Variants in MKLN1 observed in about 807,000 individuals in gnomAD.
MKLN1 encodes muskelin 1, also known as muskelin.
Under a neutral mutation model 99.0 loss-of-function variants are expected in MKLN1, and 18 were observed. The observed-to-expected ratio is 0.18, with a 90% CI of 0.13 to 0.27. The LOEUF is 0.27. Ranked by LOEUF, MKLN1 falls within the 10% of genes least tolerant of loss-of-function variation. The pLI, the probability that MKLN1 is intolerant of heterozygous loss-of-function variation, is 1.00. For synonymous variants in MKLN1, 288 were observed against 293.2 expected (o/e 0.98, Z 0.18); for missense variants, 621 against 875.9 (o/e 0.71, Z 3.67).
At chr7:131,210,817 G>T (rs1162311001) in intron 3 of MKLN1, among the ~76,000 whole-genome samples, 1 of 134,680 alleles carries the variant, frequency 7.4e-6, no homozygotes, top group Non-Finnish European at 1.6e-5. Flanking sequence ...CCAGGAGGGA[G>T]ACCAAATTAG....
chr7:131,299,831 C>T (rs781555161), intron 3 of MKLN1, among the ~76,000 whole-genome samples: 13 of 152,180 alleles, frequency 8.5e-5, no homozygotes, highest in South Asian at 6.2e-4. Context: ...TTTCAGCAAT[C>T]GAGAATTACT....
intron 2 of MKLN1, among the ~76,000 whole-genome samples, chr7:131,152,817 A>G (rs1054734390): frequency 6.6e-6 from 1 of 152,022 alleles, no homozygotes; most frequent in Non-Finnish European, 1.5e-5. Flanking sequence ...AGGTTCATAC[A>G]CTGAAGTTGG....
chr7:131,294,278 G>A (rs1232488435), intron 3 of MKLN1, among the ~76,000 whole-genome samples: 1 of 152,162 alleles, frequency 6.6e-6, no homozygotes, highest in Non-Finnish European at 1.5e-5. Context: ...GGAGATGTAT[G>A]CTGAATTATT....
intron 13 of MKLN1, 38 bp from the exon 14 acceptor site, chr7:131,464,256 C>A: frequency 7.8e-7 from 1 of 1,288,934 alleles, no homozygotes; most frequent in Non-Finnish European, 1.1e-6. Context: ...ATCTTTGCTG[C>A]TAATTCTCTA....
intron 17 of MKLN1, among the ~76,000 whole-genome samples, chr7:131,481,738 A>G (rs1010552715): frequency 6.6e-6 from 1 of 151,786 alleles, no homozygotes; most frequent in Admixed American, 6.6e-5. Context: ...CTTTGTGCCA[A>G]TTAGAATAGA....
intron 2 of MKLN1, among the ~76,000 whole-genome samples, chr7:131,180,977 C>G (rs910188209): frequency 1.2e-4 from 19 of 152,166 alleles, no homozygotes; most frequent in African/African-American, 4.6e-4. Context: ...CCCTCGTGCT[C>G]TCTCTCAATA....
At chr7:131,435,747 T>C (rs1174470614) in intron 9 of MKLN1, among the ~76,000 whole-genome samples, 1 of 152,136 alleles carries the variant, frequency 6.6e-6, no homozygotes, top group Non-Finnish European at 1.5e-5. Context: ...CTTGCTTTCA[T>C]TTCTGGTACT....
At chr7:131,478,724 G>T in intron 17 of MKLN1, 47 bp downstream of exon 17, 1 of 1,603,188 alleles carries the variant, frequency 6.2e-7, no homozygotes, top group East Asian at 2.2e-5. Context: ...CTAGCATTTG[G>T]AAGGTTGGAT....
At chr7:131,161,973 A>G (rs1420827363) in intron 2 of MKLN1, among the ~76,000 whole-genome samples, 100 of 38,612 alleles carry the variant, frequency 2.6e-3, no homozygotes, top group African/African-American at 5.3e-3. Flanking sequence ...GTATATATAT[A>G]TATATATATA....
intron 2 of MKLN1, among the ~76,000 whole-genome samples, chr7:131,186,906 T>C (rs1449367836): frequency 1.3e-5 from 2 of 152,182 alleles, no homozygotes; most frequent in African/African-American, 4.8e-5. Flanking sequence ...AGAGGCAGTA[T>C]CATTGAGCTT....
chr7:131,399,485 T>A, intron 6 of MKLN1, 52 bp downstream of exon 6: 1 of 1,476,708 alleles, frequency 6.8e-7, no homozygotes, highest in Non-Finnish European at 9.3e-7. Flanking sequence ...TACGGGAAAC[T>A]TTTTCTCAAA....
intron 1 of MKLN1, among the ~76,000 whole-genome samples, chr7:131,368,298 C>G (rs1800242323): frequency 6.6e-6 from 1 of 152,146 alleles, no homozygotes; most frequent in Admixed American, 6.5e-5. Context: ...TTATTAGTTT[C>G]TTTGCTGTCT....
At chr7:131,143,968 C>T (rs573974321) in intron 2 of MKLN1, among the ~76,000 whole-genome samples, 3 of 152,216 alleles carry the variant, frequency 2.0e-5, no homozygotes, top group African/African-American at 2.4e-5. Flanking sequence ...TACTGCCTAT[C>T]GTCAACCCCA....
chr7:131,192,109 T>TTATATATA (rs1368024266), intron 2 of MKLN1, among the ~76,000 whole-genome samples: 1 of 80,332 alleles, frequency 1.2e-5, no homozygotes, highest in Non-Finnish European at 2.3e-5. Flanking sequence ...TATATATATA[T>TTATATATA]TATATATATA....
At chr7:131,169,300 T>C (rs1796182521) in intron 2 of MKLN1, among the ~76,000 whole-genome samples, 1 of 152,250 alleles carries the variant, frequency 6.6e-6, no homozygotes, top group African/African-American at 2.4e-5. Flanking sequence ...AAGTGAACAA[T>C]TGAATAACAG....
At chr7:131,356,098 A>G (rs975737954) in intron 1 of MKLN1, among the ~76,000 whole-genome samples, 3 of 149,288 alleles carry the variant, frequency 2.0e-5, no homozygotes, top group African/African-American at 7.4e-5. Context: ...AGGGAAGAAA[A>G]GGAAAGGAGC....
In MKLN1 at chr7:131,346,540, A is replaced by G. The variant is rs554237430; in HGVS notation, c.98+18543A>G. Among the ~76,000 whole-genome samples the G allele has an allele frequency of 4.4e-4, 67 of 152,086 alleles. No homozygotes were observed. The South Asian group carries it at 0.013, about 29-fold the overall frequency. On this transcript the variant is annotated intron_variant, in intron 1 of 17. Coordinates refer to ENST00000352689, the MANE Select transcript of MKLN1 (RefSeq NM_013255.5). ...AGTCTCAAAAAAAAAAAAAACCCAA[A>G]AAACAATATTTAAAGTACACTGGAA...
At chr7:131,426,486 G>C (rs1011722079) in intron 8 of MKLN1, among the ~76,000 whole-genome samples, 21 of 151,902 alleles carry the variant, frequency 1.4e-4, no homozygotes, top group Non-Finnish European at 2.8e-4. Flanking sequence ...GTATTACTGT[G>C]TGCCATTTTG....
At chr7:131,449,634 T>C (rs566004552) in intron 12 of MKLN1, among the ~76,000 whole-genome samples, 2 of 151,940 alleles carry the variant, frequency 1.3e-5, no homozygotes, top group East Asian at 3.9e-4. Flanking sequence ...AAATGGAAAT[T>C]ATTCTCTTTT....
Sources: allele counts gnomAD v4.1 joint callset (sites outside exome capture counted in the v4.1 genomes callset), GRCh38; gene constraint gnomAD v4.1.1; transcripts MANE v1.5; gene names NCBI Gene and HGNC (gene_info 2026-07-23, HGNC 2026-07-21).